GPC5: variants seen among roughly 807,000 people sequenced by gnomAD.
The protein encoded by GPC5 is glypican-5.
A neutral mutation model predicts 53.9 loss-of-function variants in GPC5; 47 were observed. The observed-to-expected ratio is 0.87, with a 90% CI of 0.69 to 1.11. The LOEUF (loss-of-function observed/expected upper bound fraction) is 1.11, where lower values mean the gene tolerates loss of function less well. GPC5 is among the 50% of genes most tolerant of loss of function. GPC5 has a pLI of 0.00. For missense variants in GPC5, 748 were observed against 713.1 expected (o/e 1.05, Z -0.56); for synonymous variants, 286 against 263.3 (o/e 1.09, Z -0.84).
intron 7 of GPC5, among the ~76,000 whole-genome samples, chr13:92,770,864 G>T (rs1380619106): frequency 6.6e-6 from 1 of 152,164 alleles, no homozygotes; most frequent in African/African-American, 2.4e-5. Flanking sequence ...CCTAATGCCT[G>T]CGAGGTGTGG....
chr13:91,446,459 C>T (rs1409157289), intron 1 of GPC5, among the ~76,000 whole-genome samples: 1 of 152,124 alleles, frequency 6.6e-6, no homozygotes, highest in Non-Finnish European at 1.5e-5. Context: ...CACTCCAGAG[C>T]CTGGGTTGTG....
intron 7 of GPC5, among the ~76,000 whole-genome samples, chr13:92,354,215 G>A (rs1330992869): frequency 1.3e-5 from 2 of 152,186 alleles, no homozygotes; most frequent in Non-Finnish European, 2.9e-5. Flanking sequence ...CTGATAACAA[G>A]TTGTACTGAT....
At chr13:92,787,836 C>T (rs549895075) in intron 7 of GPC5, among the ~76,000 whole-genome samples, 40 of 147,984 alleles carry the variant, frequency 2.7e-4, no homozygotes, top group Non-Finnish European at 4.3e-4. Flanking sequence ...ATGATTGCAC[C>T]GCTGTACTCT....
At chr13:91,617,632 C>T (rs564326399) in intron 2 of GPC5, among the ~76,000 whole-genome samples, 3 of 152,160 alleles carry the variant, frequency 2.0e-5, no homozygotes, top group Non-Finnish European at 4.4e-5. Flanking sequence ...CCCTCCCTCC[C>T]TCTCTCCCTC....
At chr13:92,252,306 G>A (rs1449637583) in intron 7 of GPC5, among the ~76,000 whole-genome samples, 1 of 152,046 alleles carries the variant, frequency 6.6e-6, no homozygotes, top group South Asian at 2.1e-4. Context: ...GTTAACTGAT[G>A]TTTAGATAAA....
At chr13:92,475,679 C>A (rs1285322434) in intron 7 of GPC5, among the ~76,000 whole-genome samples, 1 of 151,964 alleles carries the variant, frequency 6.6e-6, no homozygotes, top group African/African-American at 2.4e-5. Flanking sequence ...GTACTGGTAC[C>A]AAAACAGAGA....
At chr13:92,522,862 G>GT (rs1156488468) in intron 7 of GPC5, among the ~76,000 whole-genome samples, 7 of 151,836 alleles carry the variant, frequency 4.6e-5, no homozygotes, top group African/African-American at 1.2e-4. Context: ...TGTAAGTACA[G>GT]TTTTTTTTCC....
At chr13:92,676,743 A>C (rs546004213) in intron 7 of GPC5, among the ~76,000 whole-genome samples, 3 of 152,310 alleles carry the variant, frequency 2.0e-5, no homozygotes, top group Admixed American at 2.0e-4. Context: ...GTTAGAAAGA[A>C]AACATCTATG....
chr13:91,547,137 T>C (rs2030341439), intron 2 of GPC5, among the ~76,000 whole-genome samples: 1 of 151,926 alleles, frequency 6.6e-6, no homozygotes. Context: ...GGAAGAGAAG[T>C]AGAGATGCTG....
intron 7 of GPC5, among the ~76,000 whole-genome samples, chr13:92,685,482 A>C (rs1887235352): frequency 6.6e-6 from 1 of 151,736 alleles, no homozygotes; most frequent in Non-Finnish European, 1.5e-5. Context: ...ATGTCTGATA[A>C]GGCAAGTCTG....
chr13:92,364,186 C>T lies in GPC5; in HGVS notation c.1561+219197C>T, dbSNP rs965396381. ...TGCAAAGATACCCTACAGGGTTTAT[C>T]TGAATATATACTAATTTATCTTTTG... is the stretch of plus-strand genomic sequence containing the variant. On this transcript the variant is annotated intron_variant, in intron 7 of 7. Transcript: ENST00000377067. Among the ~76,000 whole-genome samples, 3 of 151,672 alleles carry T rather than the reference C, an allele frequency of 2.0e-5. 1 individual carries two copies. The highest frequency in any genetic ancestry group is 4.9e-5 in the African/African-American group (2 of 41,010).
intron 5 of GPC5, among the ~76,000 whole-genome samples, chr13:91,789,725 A>G (rs2037933820): frequency 1.3e-5 from 2 of 152,204 alleles, no homozygotes; most frequent in Admixed American, 1.3e-4. Flanking sequence ...CTATAACAGA[A>G]TACTTGAGAC....
chr13:91,740,760 C>T (rs1425653841), intron 4 of GPC5, among the ~76,000 whole-genome samples: 1 of 152,144 alleles, frequency 6.6e-6, no homozygotes, highest in South Asian at 2.1e-4. Context: ...GGACATTGCG[C>T]TCATATAGTT....
At chr13:91,532,558 A>C (rs886654431) in intron 2 of GPC5, among the ~76,000 whole-genome samples, 3 of 152,132 alleles carry the variant, frequency 2.0e-5, no homozygotes, top group Non-Finnish European at 4.4e-5. Flanking sequence ...GGTAAGGAAA[A>C]ATAAATGATG....
At chr13:92,557,768 C>T (rs1882549764) in intron 7 of GPC5, among the ~76,000 whole-genome samples, 1 of 151,814 alleles carries the variant, frequency 6.6e-6, no homozygotes, top group Non-Finnish European at 1.5e-5. Context: ...GAATCAACTC[C>T]CCTGGCAAGC....
intron 6 of GPC5, among the ~76,000 whole-genome samples, chr13:92,045,544 A>G (rs1432173340): frequency 2.6e-5 from 4 of 152,274 alleles, no homozygotes; most frequent in Admixed American, 2.6e-4. Context: ...CGTCATGATC[A>G]TGATTGTCAC....
chr13:92,101,873 A>T (rs1432677784), intron 6 of GPC5, among the ~76,000 whole-genome samples: 5 of 152,210 alleles, frequency 3.3e-5, no homozygotes, highest in African/African-American at 1.2e-4. Flanking sequence ...TAAAGGGAAA[A>T]ATAAATCAAC....
intron 6 of GPC5, among the ~76,000 whole-genome samples, chr13:92,140,058 A>C (rs2041818979): frequency 6.6e-6 from 1 of 152,222 alleles, no homozygotes. Context: ...TGCAGAGTTA[A>C]AATTATCACA....
At chr13:92,673,420 A>G (rs1056915086) in intron 7 of GPC5, among the ~76,000 whole-genome samples, 1 of 151,608 alleles carries the variant, frequency 6.6e-6, no homozygotes, top group African/African-American at 2.4e-5. Context: ...ACCTTCCAGT[A>G]CCAGAAGGCA....
Sources: gnomAD v4.1 joint callset for allele counts (sites outside exome capture counted in the v4.1 genomes callset) on GRCh38, gnomAD v4.1.1 for gene constraint, MANE v1.5 for transcripts, NCBI Gene and HGNC (gene_info 2026-07-23, HGNC 2026-07-21) for gene names.